The following ZNF674 variants were observed in gnomAD, a reference collection of about 807,000 sequenced individuals.
The protein encoded by ZNF674 is zinc finger family member 674.
A neutral mutation model predicts 7.0 loss-of-function variants in ZNF674; 2 were observed. The ratio of observed to expected loss-of-function variants is 0.29; its 90% CI spans 0.12 to 0.90. The LOEUF is 0.90. Among genes scored for constraint, ZNF674 ranks in the 40% least tolerant of loss-of-function variants. The pLI is 0.57. For missense variants in ZNF674, 297 were observed against 415.5 expected (o/e 0.71, Z 2.48); for synonymous variants, 103 against 145.2 (o/e 0.71, Z 2.09).
In ZNF674 at chrX:46,499,024, A is replaced by G. The variant is rs979373148; in HGVS notation, c.*819T>C. 8.9e-6 allele frequency: 1 copy of G among 112,375 alleles called. No homozygotes were observed. The highest frequency in any genetic ancestry group is 1.9e-5 in the Non-Finnish European group (1 of 53,329). 9.3% of individuals were successfully genotyped at this position (112,375 alleles called of 1,213,427 possible). A position where few individuals can be genotyped will look rare whatever the true frequency, so the allele number is the denominator to read the frequency against. ...ATGGTAAGTGTGGTGGCTCATATCT[A>G]TAATACAAGTGCTTTGGGAGGCAAA... On this transcript the variant is annotated 3_prime_UTR_variant, in exon 6 of 6. Coordinates refer to ENST00000683375, the MANE Select transcript of ZNF674 (RefSeq NM_001190417.2).
At chrX:46,524,760 CAGCACTTTGGGA>C (rs1444245411) in intron 5 of ZNF674, among the ~76,000 whole-genome samples, 1 of 110,405 alleles carries the variant, frequency 9.1e-6, no homozygotes, top group African/African-American at 3.3e-5. Context: ...CCTGTAATCC[CAGCACTTTGGGA>C]GGCTGAGATG....
intron 3 of ZNF674, among the ~76,000 whole-genome samples, chrX:46,538,328 G>A (rs1329987499): frequency 9.0e-6 from 1 of 111,224 alleles, no homozygotes; most frequent in Non-Finnish European, 1.9e-5. Context: ...TCCTATATAA[G>A]CAATAAAAGA....
intron 5 of ZNF674, among the ~76,000 whole-genome samples, chrX:46,520,067 G>T (rs980334699): frequency 8.9e-6 from 1 of 112,015 alleles, no homozygotes; most frequent in African/African-American, 3.2e-5. Context: ...TAGTTACCAG[G>T]CTATAAGAGG....
intron 5 of ZNF674, among the ~76,000 whole-genome samples, chrX:46,509,464 A>C (rs1296601048): frequency 9.5e-6 from 1 of 105,277 alleles, no homozygotes; most frequent in African/African-American, 3.5e-5. Context: ...CAACCCCATC[A>C]AAAAGTGGGC....
chrX:46,531,315 GACTC>G (rs1028528041), intron 3 of ZNF674, among the ~76,000 whole-genome samples: 1 of 111,678 alleles, frequency 9.0e-6, no homozygotes, highest in African/African-American at 3.3e-5. Flanking sequence ...TTAGTTCTGT[GACTC>G]ACTCTAGCAA....
intron 5 of ZNF674, among the ~76,000 whole-genome samples, chrX:46,516,345 A>G (rs1270945690): frequency 8.9e-6 from 1 of 112,051 alleles, no homozygotes; most frequent in African/African-American, 3.2e-5. Flanking sequence ...TATCCCTCAT[A>G]TTCTCTCTCA....
At position 46,520,108 on chromosome X, in the gene ZNF674, T is replaced by C. The variant is rs771346187; in HGVS notation, c.238+8242A>G. On this transcript the variant is annotated intron_variant, in intron 5 of 5. Coordinates refer to ENST00000683375, the MANE Select transcript of ZNF674 (RefSeq NM_001190417.2). The stretch of plus-strand genomic sequence containing the variant: ...GGCTGGGAGAAAATCGGTATGACTA[T>C]AAAAGAGTGACGGTCAGGTGTGGTG... Among the ~76,000 whole-genome samples, 21 of 111,911 alleles carry C rather than the reference T, an allele frequency of 1.9e-4. No homozygotes were observed. In the South Asian group the frequency reaches 7.4e-3, roughly 39 times the overall value.
At chrX:46,501,711 T>G (rs1222919180) in intron 5 of ZNF674, among the ~76,000 whole-genome samples, 1 of 108,560 alleles carries the variant, frequency 9.2e-6, no homozygotes, top group Non-Finnish European at 1.9e-5. Context: ...AGGTTGCCAC[T>G]GCTATGAACC....
chrX:46,519,419 C>A (rs1395562267), intron 5 of ZNF674, among the ~76,000 whole-genome samples: 1 of 108,135 alleles, frequency 9.2e-6, no homozygotes, highest in African/African-American at 3.4e-5. Context: ...ACCAGCCTGG[C>A]CAACATGGTG....
intron 5 of ZNF674, among the ~76,000 whole-genome samples, chrX:46,521,420 A>T (rs1253586161): frequency 1.8e-5 from 2 of 109,124 alleles, no homozygotes; most frequent in Non-Finnish European, 3.8e-5. Context: ...CTACAAAAAA[A>T]TACAAATATT....
chrX:46,528,275 A>G (rs1942044536), intron 5 of ZNF674, 75 bp downstream of exon 5: 1 of 1,012,385 alleles, frequency 9.9e-7, no homozygotes, highest in Admixed American at 2.2e-5. Flanking sequence ...GCTCCTGAGC[A>G]CATCCCAGAG....
chrX:46,514,492 A>T (rs963292759), intron 5 of ZNF674, among the ~76,000 whole-genome samples: 6 of 111,401 alleles, frequency 5.4e-5, no homozygotes, highest in Non-Finnish European at 1.1e-4. Flanking sequence ...TGACCTCAGC[A>T]AAAGGAGACT....
chrX:46,542,958 GT>G (rs67877737), intron 2 of ZNF674, among the ~76,000 whole-genome samples: 2 of 106,559 alleles, frequency 1.9e-5, no homozygotes, highest in Non-Finnish European at 3.9e-5. Context: ...TCTTTTTTTT[GT>G]TTTTTTTTGA....
Position 46,521,182 on chromosome X carries a change from G to A in ZNF674, c.238+7168C>T, listed in dbSNP as rs144789171. On this transcript the variant is annotated intron_variant, in intron 5 of 5. Transcript: ENST00000683375. ...ATCACACCACTGCACTCCAGCCTGG[G>A]TGACAAAGCAAGACTCTATCTCAAA... 2.4e-4 allele frequency among the ~76,000 whole-genome samples: 24 copies of A among 101,136 alleles called. 1 individual carries two copies. The highest frequency in any genetic ancestry group is 7.3e-4 in the African/African-American group (20 of 27,567). The allele number at this position is 101,136 out of a possible 115,157, so 87.8% of individuals were successfully genotyped here. A position where few individuals can be genotyped will look rare whatever the true frequency, so the allele number is the denominator to read the frequency against.
At chrX:46,542,519 G>A (rs1942310444) in intron 2 of ZNF674, among the ~76,000 whole-genome samples, 1 of 111,356 alleles carries the variant, frequency 9.0e-6, no homozygotes, top group Non-Finnish European at 1.9e-5. Context: ...GACCAGCCTA[G>A]ACAATATAGC....
At chrX:46,526,263 C>CA (rs2146607978) in intron 5 of ZNF674, among the ~76,000 whole-genome samples, 1 of 111,862 alleles carries the variant, frequency 8.9e-6, no homozygotes, top group Admixed American at 9.6e-5. Flanking sequence ...GATGTATAGA[C>CA]AGACACATCT....
chrX:46,530,131 C>G (rs1049344031), intron 3 of ZNF674, among the ~76,000 whole-genome samples: 2 of 111,744 alleles, frequency 1.8e-5, no homozygotes, highest in African/African-American at 6.5e-5. Context: ...TATCCTGTAA[C>G]GCCCACACTT....
chrX:46,540,665 C>T (rs1942276521), intron 3 of ZNF674, among the ~76,000 whole-genome samples: 1 of 111,552 alleles, frequency 9.0e-6, no homozygotes, highest in African/African-American at 3.3e-5. Context: ...AGTCTCACTA[C>T]CTTTTAGTCA....
chrX:46,537,282 C>T (rs1942217201), intron 3 of ZNF674, among the ~76,000 whole-genome samples: 1 of 108,491 alleles, frequency 9.2e-6, no homozygotes, highest in African/African-American at 3.4e-5. Flanking sequence ...AAAATTGACT[C>T]ACACATAAGG....
Sources: allele counts gnomAD v4.1 joint callset (sites outside exome capture counted in the v4.1 genomes callset), GRCh38; gene constraint gnomAD v4.1.1; transcripts MANE v1.5; gene names NCBI Gene and HGNC (gene_info 2026-07-23, HGNC 2026-07-21).